LGR5: variants seen among roughly 807,000 people sequenced by gnomAD.
LGR5 encodes the protein leucine rich repeat containing G protein-coupled receptor 5, also known as leucine-rich repeat-containing G protein-coupled receptor 5.
A neutral mutation model predicts 76.7 loss-of-function variants in LGR5; 54 were observed. That is an observed-to-expected ratio of 0.70 (90% CI 0.57 to 0.88). The LOEUF (loss-of-function observed/expected upper bound fraction) is 0.88, where lower values mean the gene tolerates loss of function less well. LGR5 is among the 40% of genes least tolerant of loss of function. The pLI, the probability that LGR5 is intolerant of heterozygous loss-of-function variation, is 0.00. For synonymous variants in LGR5, 406 were observed against 421.9 expected, an observed-to-expected ratio of 0.96 and a Z score of 0.46; for missense variants, 1,078 against 1,073.3, an observed-to-expected ratio of 1.00 and a Z score of -0.06.
intron 2 of LGR5, among the ~76,000 whole-genome samples, chr12:71,521,460 G>A (rs924614837): frequency 6.6e-6 from 1 of 152,178 alleles, no homozygotes; most frequent in Non-Finnish European, 1.5e-5. Flanking sequence ...CTCCAAACCA[G>A]AATTGTTGAT....
intron 1 of LGR5, among the ~76,000 whole-genome samples, chr12:71,501,154 A>G (rs1874580393): frequency 6.6e-6 from 1 of 152,074 alleles, no homozygotes; most frequent in African/African-American, 2.4e-5. Context: ...TTATTTTAAG[A>G]CCCCCTCATT....
intron 2 of LGR5, among the ~76,000 whole-genome samples, chr12:71,522,149 G>T (rs1169939468): frequency 1.3e-5 from 2 of 152,154 alleles, no homozygotes; most frequent in Non-Finnish European, 2.9e-5. Flanking sequence ...ACCCACTAGG[G>T]ATCAGGGAAT....
In LGR5 at chr12:71,577,942, A is replaced by G; in HGVS notation, c.1226A>G (p.Lys409Arg). 1 of 1,613,384 alleles carries G rather than the reference A, an allele frequency of 6.2e-7. No individual in the cohort carries two copies. Among genetic ancestry groups the G allele is most frequent in the Non-Finnish European group, 8.5e-7 (1 of 1,179,406 alleles). Reference protein sequence around the residue: ...SLRSLNLAWNKIAIIHPNAFS... With the variant: ...SLRSLNLAWNRIAIIHPNAFS... Reference sequence around the variant, plus strand: ...TACAATAGGAATTTGGCTTGGAACAAAATTGCTATTATTCACCCCAATGCA... The same window carrying G: ...TACAATAGGAATTTGGCTTGGAACAGAATTGCTATTATTCACCCCAATGCA... The change falls in exon 14 of 18, where the codon AAA (lysine) becomes AGA (arginine). Residue 409 changes from lysine (K) to arginine (R), a missense_variant. Transcript: ENST00000266674.
chr12:71,466,766 G>C (rs1387332302), intron 1 of LGR5, among the ~76,000 whole-genome samples: 1 of 151,982 alleles, frequency 6.6e-6, no homozygotes, highest in East Asian at 1.9e-4. Context: ...AGGTCTGGTT[G>C]TCATTTTCAG....
intron 2 of LGR5, among the ~76,000 whole-genome samples, chr12:71,506,204 A>G (rs1874849440): frequency 6.6e-6 from 1 of 152,158 alleles, no homozygotes; most frequent in Non-Finnish European, 1.5e-5. Flanking sequence ...ATTAATATAG[A>G]ATAGACAGCC....
At chr12:71,576,385 CAAAG>C (rs1878857090) in intron 13 of LGR5, among the ~76,000 whole-genome samples, 1 of 152,154 alleles carries the variant, frequency 6.6e-6, no homozygotes, top group South Asian at 2.1e-4. Context: ...GTTTCCAGGA[CAAAG>C]AAAGAGCTTA....
intron 1 of LGR5, among the ~76,000 whole-genome samples, chr12:71,480,560 T>A (rs562931122): frequency 1.2e-4 from 18 of 152,170 alleles, no homozygotes; most frequent in African/African-American, 4.1e-4. Context: ...TCCAGATCCC[T>A]TCTCTTGAAG....
intron 1 of LGR5, among the ~76,000 whole-genome samples, chr12:71,481,848 T>C (rs1437023352): frequency 6.6e-6 from 1 of 152,158 alleles, no homozygotes; most frequent in Non-Finnish European, 1.5e-5. Flanking sequence ...ATTTTCTGTA[T>C]AATTATTATG....
At chr12:71,549,007 C>G (rs1297073095) in intron 4 of LGR5, among the ~76,000 whole-genome samples, 3 of 152,092 alleles carry the variant, frequency 2.0e-5, no homozygotes, top group African/African-American at 7.2e-5. Context: ...TTATCTTATA[C>G]CCGACTGTTA....
intron 1 of LGR5, among the ~76,000 whole-genome samples, chr12:71,480,832 AAT>A (rs1156250471): frequency 1.3e-5 from 2 of 152,196 alleles, no homozygotes; most frequent in Non-Finnish European, 2.9e-5. Flanking sequence ...GGTGGCATAA[AAT>A]AAGTGTTACA....
Position 71,584,195 on chromosome 12 carries a change from C to T in LGR5, c.2185C>T (p.Leu729Phe), listed in dbSNP as rs1879219448. 1 of 1,614,140 alleles carries T rather than the reference C, an allele frequency of 6.2e-7. No homozygotes were observed. Among genetic ancestry groups the T allele is most frequent in the African/African-American group, 1.3e-5 (1 of 75,018 alleles). The change falls in exon 18 of 18, where the codon CTC becomes TTC. Residue 729 changes from leucine (L) to phenylalanine (F), a missense_variant. Coordinates refer to ENST00000266674, the MANE Select transcript of LGR5 (RefSeq NM_003667.4). ...CAGCACCATGGGCTACATGGTCGCT[C>T]TCATCTTGCTCAATTCCCTTTGCTT... ...EPSTMGYMVA[L>F]ILLNSLCFLM...
intron 17 of LGR5, among the ~76,000 whole-genome samples, chr12:71,583,174 T>A (rs1297897829): frequency 6.6e-6 from 1 of 152,210 alleles, no homozygotes; most frequent in Non-Finnish European, 1.5e-5. Context: ...GAATAGATTG[T>A]CCCTTGCTCC....
intron 13 of LGR5, among the ~76,000 whole-genome samples, chr12:71,575,398 G>A (rs533243879): frequency 3.9e-5 from 6 of 152,206 alleles, no homozygotes; most frequent in South Asian, 4.1e-4. Flanking sequence ...CTATTACTGG[G>A]TATATACCCC....
intron 8 of LGR5, among the ~76,000 whole-genome samples, chr12:71,563,511 T>C (rs1280609): frequency 0.88 from 134,116 of 152,198 alleles, 61,076 homozygotes; most frequent in East Asian, 1. Flanking sequence ...AAACTCCTCA[T>C]CCTGACATTC....
At chr12:71,454,776 AACACACACAC>A (rs35219754) in intron 1 of LGR5, among the ~76,000 whole-genome samples, 6 of 147,038 alleles carry the variant, frequency 4.1e-5, no homozygotes, top group African/African-American at 1.0e-4. Flanking sequence ...CATAGACACA[AACACACACAC>A]ACACACACAC....
At chr12:71,449,391 G>A (rs1432798600) in intron 1 of LGR5, among the ~76,000 whole-genome samples, 1 of 152,190 alleles carries the variant, frequency 6.6e-6, no homozygotes, top group Non-Finnish European at 1.5e-5. Context: ...GTGCAATATA[G>A]TACAGGAGGA....
chr12:71,548,448 C>G (rs1456762119), intron 4 of LGR5, among the ~76,000 whole-genome samples: 3 of 152,134 alleles, frequency 2.0e-5, no homozygotes, highest in Admixed American at 2.0e-4. Context: ...AAGAAATAGC[C>G]TGCATTTCTC....
Position 71,445,893 on chromosome 12 carries a change from G to A in LGR5, c.212+5601G>A, listed in dbSNP as rs992142311. 3.9e-5 allele frequency among the ~76,000 whole-genome samples: 6 copies of A among 152,240 alleles called. No homozygotes were observed. The South Asian group carries it at 1.0e-3, about 26-fold the overall frequency. The stretch of plus-strand genomic sequence containing the variant: ...AATGTTTAAGTCTGGAATTGGAGAC[G>A]CTGAGATTTACTTGGAGAGTATGCA... On this transcript the variant is annotated intron_variant, in intron 1 of 17. Transcript: ENST00000266674.
chr12:71,565,792 T>C (rs1311411403), intron 8 of LGR5, among the ~76,000 whole-genome samples: 1 of 151,834 alleles, frequency 6.6e-6, no homozygotes, highest in Non-Finnish European at 1.5e-5. Context: ...TGGCACTCCA[T>C]TGACCAGGCA....
Sources: gnomAD v4.1 joint callset for allele counts (sites outside exome capture counted in the v4.1 genomes callset) on GRCh38, gnomAD v4.1.1 for gene constraint, MANE v1.5 for transcripts, NCBI Gene and HGNC (gene_info 2026-07-23, HGNC 2026-07-21) for gene names.